The following MEGF6 variants were observed in gnomAD, a reference collection of about 807,000 sequenced individuals.
MEGF6 encodes the protein multiple EGF like domains 6, also known as multiple epidermal growth factor-like domains protein 6.
A neutral mutation model predicts 207.1 loss-of-function variants in MEGF6; 184 were observed. That is an observed-to-expected ratio of 0.89 (90% confidence interval 0.79 to 1.00). The LOEUF is 1.00. MEGF6 is among the 50% of genes least tolerant of loss of function. MEGF6 has a pLI of 0.00. For missense variants in MEGF6, 2,282 were observed against 2,202.9 expected (o/e 1.04, Z -0.72); for synonymous variants, 1,038 against 910.0 (o/e 1.14, Z -2.53).
rs140128859 is a variant in MEGF6 at position 3,509,301 on chromosome 1, AC to A, written c.1358-57del. 7.2e-4 allele frequency: 969 copies of A among 1,351,078 alleles called. 4 individuals carry two copies. The African/African-American group carries it at 0.013, about 18-fold the overall frequency. The allele number at this position is 1,351,078 out of a possible 1,614,324, so 83.7% of individuals were successfully genotyped here. A position where few individuals can be genotyped will look rare whatever the true frequency, so the allele number is the denominator to read the frequency against. On this transcript the variant is annotated intron_variant, in intron 11 of 36. Coordinates refer to ENST00000356575, the MANE Select transcript of MEGF6 (RefSeq NM_001409.4). Reference sequence around the variant, plus strand: ...TGCCACCCACCTGCCTGCTCCAGCGACCCCCCGGCGGGTAGGGCTGGGCCTA... The same window carrying A: ...TGCCACCCACCTGCCTGCTCCAGCGACCCCCGGCGGGTAGGGCTGGGCCTA...
At position 3,505,536 on chromosome 1, in the gene MEGF6, C is replaced by T. The variant is rs1641082596; in HGVS notation, c.1939G>A (p.Gly647Arg). 1 of 1,590,756 alleles carries T rather than the reference C, an allele frequency of 6.3e-7. No homozygotes were observed. The highest frequency in any genetic ancestry group is 8.5e-7 in the Non-Finnish European group (1 of 1,171,216). ...TGGCACTCCTCCGAGCAGCCCGGCC[C>T]AAAGGCCCACGGCGGGCAGGCTGCA... Reference protein sequence around the residue: ...CHLTCPPWAFGPGCSEECQCV... With the variant: ...CHLTCPPWAFRPGCSEECQCV... Residue 647 changes from glycine to arginine, a missense_variant, in exon 16 of 37, where the codon GGG (glycine) becomes AGG (arginine). By Grantham distance (125) the Gly-to-Arg change is moderately radical. Coordinates refer to ENST00000356575, the MANE Select transcript of MEGF6 (RefSeq NM_001409.4).
intron 4 of MEGF6, among the ~76,000 whole-genome samples, chr1:3,532,071 G>C (rs767672405): frequency 3.9e-5 from 6 of 152,250 alleles, no homozygotes; most frequent in Admixed American, 3.9e-4. Flanking sequence ...GACGGACAGA[G>C]AGCAGGGAGA....
chr1:3,501,072 A>T lies in MEGF6; in HGVS notation c.2469T>A (p.Gly823=). 6.2e-7 allele frequency: 1 copy of T among 1,612,732 alleles called. No homozygotes were observed. The highest frequency in any genetic ancestry group is 8.5e-7 in the Non-Finnish European group (1 of 1,179,922). ...AAGAGCACCTTGTCTGGCAGCTGGGACCATACCAGCCTGCTGGGCACACTA... is the reference window on the plus strand; with the variant it reads ...AAGAGCACCTTGTCTGGCAGCTGGGTCCATACCAGCCTGCTGGGCACACTA... The part of the protein sequence containing the change: ...CQDVCPAGWY[G]PSCQTRCSCA... The change falls in exon 20 of 37, where the codon GGT becomes GGA. Residue 823 remains glycine (G), a synonymous_variant. Transcript: ENST00000356575.
chr1:3,555,783 G>A (rs1643015841), intron 4 of MEGF6, among the ~76,000 whole-genome samples: 1 of 152,230 alleles, frequency 6.6e-6, no homozygotes, highest in Non-Finnish European at 1.5e-5. Flanking sequence ...TGGAAAGCCG[G>A]GCCAGCGGCG....
intron 11 of MEGF6, 50 bp downstream of exon 11, chr1:3,509,820 C>T (rs1283653569): frequency 6.7e-7 from 1 of 1,502,440 alleles, no homozygotes; most frequent in Admixed American, 2.3e-5. Context: ...TCAGCTGGGG[C>T]AAACTCGAGA....
Position 3,493,836 on chromosome 1 carries a change from G to A in MEGF6, c.4322C>T (p.Pro1441Leu). 1.2e-6 allele frequency: 2 copies of A among 1,606,696 alleles called. No individual in the cohort carries two copies. The highest frequency in any genetic ancestry group is 8.5e-7 in the Non-Finnish European group (1 of 1,177,290). Residue 1441 changes from proline to leucine, a missense_variant, in exon 34 of 37, where the codon CCC becomes CTC. Pro to Leu is a moderately conservative substitution (Grantham distance 98). Coordinates refer to ENST00000356575, the MANE Select transcript of MEGF6 (RefSeq NM_001409.4). ...HQRCDCDGGA[P>L]CDPVTGLCLC... The stretch of plus-strand genomic sequence containing the variant: ...GCAGAGACCGGTGACAGGGTCACAG[G>A]GTGCCCCCCCGTCACAGTCACAGCG...
chr1:3,579,424 G>T (rs1296673978), intron 4 of MEGF6, among the ~76,000 whole-genome samples: 2 of 152,194 alleles, frequency 1.3e-5, no homozygotes, highest in African/African-American at 4.8e-5. Context: ...CCTTGGCTAA[G>T]ACCCCCGGGT....
chr1:3,606,528 C>T (rs1475214014), intron 1 of MEGF6, among the ~76,000 whole-genome samples: 1 of 152,220 alleles, frequency 6.6e-6, no homozygotes, highest in Admixed American at 6.5e-5. Context: ...ACAGCAGTGA[C>T]CTTGCCAGGT....
chr1:3,609,666 C>T (rs1644299305), intron 1 of MEGF6, among the ~76,000 whole-genome samples: 1 of 152,200 alleles, frequency 6.6e-6, no homozygotes, highest in African/African-American at 2.4e-5. Context: ...TGCTGCAACC[C>T]ATTTCCACCA....
rs761945826 is a variant in MEGF6 at position 3,497,036 on chromosome 1, C to T, written c.3565G>A (p.Gly1189Arg). The change falls in exon 28 of 37, where the codon GGG becomes AGG. Residue 1189 changes from glycine (G) to arginine (R), a missense_variant. By Grantham distance (125) the Gly-to-Arg change is moderately radical. Transcript: ENST00000356575. ...GENPACHPAT[G>R]TCSCAAGYHG... Reference sequence around the variant, plus strand: ...TAGCCAGCAGCACATGAGCAGGTCCCGGTGGCAGGGTGGCAGGCCGGGTTC... The same window carrying T: ...TAGCCAGCAGCACATGAGCAGGTCCTGGTGGCAGGGTGGCAGGCCGGGTTC... The T allele has an allele frequency of 2.8e-5, 43 of 1,553,688 alleles. No homozygotes were observed. The South Asian group carries it at 3.9e-4, about 14-fold the overall frequency.
rs529312399 is a variant in MEGF6 at position 3,601,835 on chromosome 1, C to T, written c.266+631G>A. On this transcript the variant is annotated intron_variant, in intron 2 of 36. Coordinates refer to ENST00000356575, the MANE Select transcript of MEGF6 (RefSeq NM_001409.4). ...GTGGACCCCATGCCCAAGGGAGCAG[C>T]GCAGAGCAGGGCCTCGGCTCCTCCG... 1.1e-4 allele frequency among the ~76,000 whole-genome samples: 17 copies of T among 152,368 alleles called. No individual in the cohort carries two copies. In the South Asian group the frequency reaches 2.9e-3, roughly 26 times the overall value.
intron 4 of MEGF6, chr1:3,531,113 C>T: frequency 1.3e-6 from 2 of 1,527,958 alleles, no homozygotes; most frequent in Non-Finnish European, 1.8e-6. Context: ...ACGGGGTAGC[C>T]GGCCTGGCCC....
intron 3 of MEGF6, among the ~76,000 whole-genome samples, chr1:3,587,337 C>T (rs889019426): frequency 2.6e-5 from 4 of 152,260 alleles, no homozygotes; most frequent in Non-Finnish European, 4.4e-5. Flanking sequence ...GTAAGGCCCA[C>T]GGAGGCCGCC....
rs748879104 is a variant in MEGF6 at position 3,499,827 on chromosome 1, C to A, written c.2805G>T (p.Pro935=). 19 of 1,553,452 alleles carry A rather than the reference C, an allele frequency of 1.2e-5. No individual in the cohort carries two copies. The highest frequency in any genetic ancestry group is 1.7e-5 in the Non-Finnish European group (19 of 1,149,372). ...CDHVSGACTC[P]AGWRGTFCEH... ...CGCAGAAGGTGCCCCTCCAGCCGGC[C>A]GGGCAGGTGCAGGCCCCGCTGACGT... The change falls in exon 22 of 37, where the codon CCG becomes CCT. Residue 935 remains proline (P), a synonymous_variant. Coordinates refer to ENST00000356575, the MANE Select transcript of MEGF6 (RefSeq NM_001409.4).
At chr1:3,519,845 G>A (rs2101134652) in intron 5 of MEGF6, among the ~76,000 whole-genome samples, 1 of 152,368 alleles carries the variant, frequency 6.6e-6, no homozygotes, top group African/African-American at 2.4e-5. Flanking sequence ...GGGAGACCCA[G>A]GCCTGGGTAG....
At chr1:3,493,404 A>G (rs1640459132) in intron 34 of MEGF6, 1 of 318,004 alleles carries the variant, frequency 3.1e-6, no homozygotes, top group Non-Finnish European at 5.9e-6. Context: ...AGACCCTCCT[A>G]TCCTCAGGTG....
In MEGF6 at chr1:3,512,089, T is replaced by C; in HGVS notation, c.893A>G (p.His298Arg). 2 of 1,611,998 alleles carry C rather than the reference T, an allele frequency of 1.2e-6. No individual in the cohort carries two copies. Among genetic ancestry groups the C allele is most frequent in the South Asian group, 2.2e-5 (2 of 90,986 alleles). The part of the protein sequence containing the change: ...ECAAGLAQCA[H>R]GCLNTQGSFK... ...GGACCCCTGGGTGTTGAGGCAGCCATGGGCACACTGGGCCAGCCCTGCGGC... is the reference window on the plus strand; with the variant it reads ...GGACCCCTGGGTGTTGAGGCAGCCACGGGCACACTGGGCCAGCCCTGCGGC... The change falls in exon 8 of 37, where the codon CAT becomes CGT. Residue 298 changes from histidine to arginine, a missense_variant. Transcript: ENST00000356575.
chr1:3,546,812 G>A (rs367742599), intron 4 of MEGF6, among the ~76,000 whole-genome samples: 19 of 145,420 alleles, frequency 1.3e-4, no homozygotes, highest in East Asian at 4.0e-4. Context: ...CAGGGAGGCC[G>A]AGGTGGGGTG....
At chr1:3,522,387 C>T (rs1047895544) in intron 5 of MEGF6, among the ~76,000 whole-genome samples, 1 of 152,146 alleles carries the variant, frequency 6.6e-6, no homozygotes, top group African/African-American at 2.4e-5. Flanking sequence ...GCCAGAGGGG[C>T]CCCGAGGTCC....
Sources: allele counts gnomAD v4.1 joint callset (sites outside exome capture counted in the v4.1 genomes callset), GRCh38; gene constraint gnomAD v4.1.1; transcripts MANE v1.5; gene names NCBI Gene and HGNC (gene_info 2026-07-23, HGNC 2026-07-21).